The following RAD51B variants were observed in gnomAD, a reference collection of about 807,000 sequenced individuals.
RAD51B encodes DNA repair protein RAD51 homolog 2.
A neutral mutation model predicts 42.2 loss-of-function variants in RAD51B; 38 were observed. The ratio of observed to expected loss-of-function variants is 0.90; its 90% confidence interval spans 0.70 to 1.18. The LOEUF (loss-of-function observed/expected upper bound fraction) is 1.18. Among genes scored for constraint, RAD51B ranks in the 50% most tolerant of loss-of-function variants. The pLI is 0.00. For missense variants in RAD51B, 373 were observed against 400.7 expected, an observed-to-expected ratio of 0.93 and a Z score of 0.59; for synonymous variants, 154 against 145.2, an observed-to-expected ratio of 1.06 and a Z score of -0.43.
chr14:67,929,575 G>C (rs1326160356), intron 7 of RAD51B, among the ~76,000 whole-genome samples: 1 of 152,144 alleles, frequency 6.6e-6, no homozygotes, highest in African/African-American at 2.4e-5. Flanking sequence ...AACATTTTCT[G>C]TACATGTCTG....
intron 9 of RAD51B, among the ~76,000 whole-genome samples, chr14:68,444,231 T>C (rs2085367859): frequency 6.6e-6 from 1 of 152,234 alleles, no homozygotes; most frequent in Non-Finnish European, 1.5e-5. Context: ...CTTGTATTTG[T>C]TGACTTAAAT....
At chr14:68,622,268 G>A (rs1449861063) in intron 10 of RAD51B, among the ~76,000 whole-genome samples, 1 of 152,188 alleles carries the variant, frequency 6.6e-6, no homozygotes, top group East Asian at 1.9e-4. Context: ...TCATGGAGGA[G>A]GAGCCATTCT....
At chr14:68,443,818 A>G (rs1435097272) in intron 9 of RAD51B, among the ~76,000 whole-genome samples, 3 of 151,776 alleles carry the variant, frequency 2.0e-5, no homozygotes, top group Non-Finnish European at 2.9e-5. Context: ...GCATTTTCCT[A>G]TATGAAAACA....
chr14:68,613,359 A>C (rs552683521), downstream of RAD51B, among the ~76,000 whole-genome samples: 2 of 152,098 alleles, frequency 1.3e-5, no homozygotes, highest in Non-Finnish European at 2.9e-5. Context: ...TGGAGGTTGC[A>C]GTGAGCCAAG....
chr14:68,116,751 T>C (rs971666492), intron 7 of RAD51B, among the ~76,000 whole-genome samples: 1 of 152,236 alleles, frequency 6.6e-6, no homozygotes, highest in African/African-American at 2.4e-5. Flanking sequence ...GTTGTGTTTA[T>C]TCCTAGTTCT....
intron 5 of RAD51B, among the ~76,000 whole-genome samples, chr14:67,871,508 A>G (rs1438138618): frequency 6.6e-6 from 1 of 152,234 alleles, no homozygotes; most frequent in Non-Finnish European, 1.5e-5. Context: ...TACCAGAGGT[A>G]CAAGGAGGAA....
chr14:68,230,832 G>A (rs889702285), intron 7 of RAD51B, among the ~76,000 whole-genome samples: 2 of 152,204 alleles, frequency 1.3e-5, no homozygotes, highest in African/African-American at 2.4e-5. Context: ...GGCATCTTTG[G>A]TCATTGTAGT....
At chr14:67,979,607 T>G (rs2075054486) in intron 7 of RAD51B, among the ~76,000 whole-genome samples, 1 of 152,216 alleles carries the variant, frequency 6.6e-6, no homozygotes, top group Non-Finnish European at 1.5e-5. Flanking sequence ...AAATCTGATT[T>G]ATAATTTTCT....
intron 7 of RAD51B, among the ~76,000 whole-genome samples, chr14:68,233,066 A>T (rs2080178578): frequency 3.3e-5 from 5 of 151,846 alleles, no homozygotes; most frequent in Admixed American, 2.6e-4. Context: ...CATGTGTTTG[A>T]AGCAGAATAT....
chr14:67,927,551 G>GT lies in RAD51B; in HGVS notation c.756+40353dup, dbSNP rs1335641137. Among the ~76,000 whole-genome samples, 9 of 152,174 alleles carry GT rather than the reference G, an allele frequency of 5.9e-5. 1 individual carries two copies. Among genetic ancestry groups the GT allele is most frequent in the Admixed American group, 3.9e-4 (6 of 15,278 alleles). ...CTATTCTCTATGTCCATGAGATGAA[G>GT]TTTTTTAGCTCCCACATGTGAATGA... On this transcript the variant is annotated intron_variant, in intron 7 of 10. Coordinates refer to ENST00000471583, the MANE Select transcript of RAD51B (RefSeq NM_133510.4).
intron 10 of RAD51B, among the ~76,000 whole-genome samples, chr14:68,515,443 C>CTTTTTTTT (rs59782915): frequency 1.9e-5 from 1 of 52,704 alleles, no homozygotes; most frequent in Non-Finnish European, 4.3e-5. Context: ...TCTTCTTCTT[C>CTTTTTTTT]TTTTTTTTTT....
chr14:68,360,287 A>G (rs2082996579), intron 8 of RAD51B, among the ~76,000 whole-genome samples: 1 of 152,170 alleles, frequency 6.6e-6, no homozygotes, highest in Non-Finnish European at 1.5e-5. Context: ...CTCTCCTGGA[A>G]TGCCTTCTCC....
At chr14:68,226,713 T>C (rs1257950729) in intron 7 of RAD51B, among the ~76,000 whole-genome samples, 1 of 152,196 alleles carries the variant, frequency 6.6e-6, no homozygotes, top group East Asian at 1.9e-4. Flanking sequence ...GAGAACATAC[T>C]AATACATCCT....
At chr14:67,821,643 G>A (rs2098449320) in intron 1 of RAD51B, among the ~76,000 whole-genome samples, 2 of 152,118 alleles carry the variant, frequency 1.3e-5, no homozygotes, top group Admixed American at 6.5e-5. Context: ...GTATTTTTTT[G>A]TGGAGACAGG....
At chr14:68,180,452 T>A (rs1039265318) in intron 7 of RAD51B, among the ~76,000 whole-genome samples, 1 of 152,134 alleles carries the variant, frequency 6.6e-6, no homozygotes, top group Non-Finnish European at 1.5e-5. Context: ...AGAAAAGTAG[T>A]TGACTTTGAT....
chr14:68,097,795 T>C (rs2077220217), intron 7 of RAD51B, among the ~76,000 whole-genome samples: 1 of 152,228 alleles, frequency 6.6e-6, no homozygotes, highest in Admixed American at 6.5e-5. Context: ...TGCAAATCAT[T>C]CTTAAAATGA....
At chr14:68,014,849 CAAA>C (rs111996389) in intron 7 of RAD51B, among the ~76,000 whole-genome samples, 39 of 104,752 alleles carry the variant, frequency 3.7e-4, no homozygotes, top group Admixed American at 6.2e-4. Context: ...AGAATGAATG[CAAA>C]AAAAAAAAAA....
intron 10 of RAD51B, among the ~76,000 whole-genome samples, chr14:68,489,078 C>G (rs1264386684): frequency 6.6e-6 from 1 of 151,992 alleles, no homozygotes; most frequent in Non-Finnish European, 1.5e-5. Context: ...CTCAGCCTCC[C>G]AAGTAGCTGG....
intron 10 of RAD51B, among the ~76,000 whole-genome samples, chr14:68,569,249 G>C (rs1889573993): frequency 6.6e-6 from 1 of 152,208 alleles, no homozygotes; most frequent in African/African-American, 2.4e-5. Flanking sequence ...AATTGTTTAG[G>C]AGAAGCAGCC....
Sources: allele counts gnomAD v4.1 joint callset (sites outside exome capture counted in the v4.1 genomes callset), GRCh38; gene constraint gnomAD v4.1.1; transcripts MANE v1.5; gene names NCBI Gene and HGNC (gene_info 2026-07-23, HGNC 2026-07-21).